Variants in SIDT1 observed in about 807,000 individuals in gnomAD.
SIDT1 encodes the protein SID1 transmembrane family member 1.
A neutral mutation model predicts 107.5 loss-of-function variants in SIDT1; 101 were observed. The observed-to-expected ratio is 0.94, with a 90% CI of 0.80 to 1.11. The LOEUF (loss-of-function observed/expected upper bound fraction) is 1.11. Ranked by LOEUF, SIDT1 falls within the 50% of genes least tolerant of loss-of-function variation. SIDT1 has a pLI of 0.00. For synonymous variants in SIDT1, 395 were observed against 398.2 expected (o/e 0.99, Z 0.10); for missense variants, 1,076 against 1,058.2 (o/e 1.02, Z -0.23).
chr3:113,615,193 G>A lies in SIDT1; in HGVS notation c.1967-907G>A, dbSNP rs776393510. On this transcript the variant is annotated intron_variant, in intron 19 of 24. Coordinates refer to ENST00000264852, the MANE Select transcript of SIDT1 (RefSeq NM_017699.3). ...GCCTCTTTCAGGCCGGGCAGACTCC[G>A]TGGGAGTGGGGAGCCAGAGAGAGGC... The A allele has an allele frequency of 1.1e-5, 12 of 1,090,540 alleles. No homozygotes were observed. In the East Asian group the frequency reaches 2.1e-4, roughly 19 times the overall value. 67.6% of individuals were successfully genotyped at this position (1,090,540 alleles called of 1,614,324 possible).
intron 3 of SIDT1, among the ~76,000 whole-genome samples, chr3:113,574,344 A>G (rs567047575): frequency 6.6e-6 from 1 of 152,332 alleles, no homozygotes; most frequent in Admixed American, 6.5e-5. Context: ...AGCAGATGGC[A>G]GAAGGAGATA....
chr3:113,582,739 A>AAAAC (rs753584500), intron 6 of SIDT1, among the ~76,000 whole-genome samples: 9 of 152,308 alleles, frequency 5.9e-5, no homozygotes, highest in African/African-American at 1.4e-4. Flanking sequence ...TCCTTCTCAA[A>AAAAC]AAACAAACAA....
intron 3 of SIDT1, among the ~76,000 whole-genome samples, chr3:113,576,010 G>C (rs370831500): frequency 3.3e-5 from 5 of 152,200 alleles, no homozygotes; most frequent in African/African-American, 4.8e-5. Flanking sequence ...CATGGCTAAT[G>C]ATGAGGCAAC....
At chr3:113,565,869 C>G (rs1426916854) in intron 1 of SIDT1, among the ~76,000 whole-genome samples, 1 of 151,948 alleles carries the variant, frequency 6.6e-6, no homozygotes, top group Non-Finnish European at 1.5e-5. Flanking sequence ...ATTTACCAAC[C>G]CAAAATTGAA....
chr3:113,534,442 G>A lies in SIDT1; in HGVS notation c.222+1199G>A, dbSNP rs181607388. On this transcript the variant is annotated intron_variant, in intron 1 of 24. Coordinates refer to ENST00000264852, the MANE Select transcript of SIDT1 (RefSeq NM_017699.3). ...ATCCTATGGCACTGTTACCATGGCA[G>A]CACAGCCCTCACCCTGCTCTGTCCT... Among the ~76,000 whole-genome samples, 17 of 152,314 alleles carry A rather than the reference G, an allele frequency of 1.1e-4. No homozygotes were observed. The East Asian group carries it at 3.3e-3, about 29-fold the overall frequency.
At chr3:113,571,945 A>AC (rs982643092) in intron 3 of SIDT1, among the ~76,000 whole-genome samples, 231 of 152,086 alleles carry the variant, frequency 1.5e-3, no homozygotes, top group Middle Eastern at 0.01. Flanking sequence ...ACACACACAC[A>AC]AAAAAAATTA....
At position 113,544,999 on chromosome 3, in the gene SIDT1, C is replaced by A. The variant is rs897852693; in HGVS notation, c.222+11756C>A. On this transcript the variant is annotated intron_variant, in intron 1 of 24. Transcript: ENST00000264852. Reference sequence around the variant, plus strand: ...GCGTGGTGGCGTGCACCTGTAATCCCAGCTACTCAGGAGGCTGAGGCAGGA... The same window carrying A: ...GCGTGGTGGCGTGCACCTGTAATCCAAGCTACTCAGGAGGCTGAGGCAGGA... Among the ~76,000 whole-genome samples, 5 of 151,664 alleles carry A rather than the reference C, an allele frequency of 3.3e-5. No individual in the cohort carries two copies. In the South Asian group the frequency reaches 8.3e-4, roughly 25 times the overall value.
At chr3:113,625,964 G>A (rs1367086099) in intron 23 of SIDT1, 138 bp from the exon 24 acceptor site, 22 of 683,566 alleles carry the variant, frequency 3.2e-5, no homozygotes, top group Non-Finnish European at 2.6e-6. Flanking sequence ...ACAGGTTTTT[G>A]TGTGGATGGA....
chr3:113,580,472 T>G (rs1943240014), intron 4 of SIDT1, 136 bp from the exon 5 acceptor site: 2 of 629,692 alleles, frequency 3.2e-6, no homozygotes, highest in Non-Finnish European at 2.9e-6. Context: ...TTTCTCAATA[T>G]GTATGAGATG....
intron 21 of SIDT1, among the ~76,000 whole-genome samples, chr3:113,622,840 AC>A (rs1256286270): frequency 3.9e-5 from 6 of 152,320 alleles, no homozygotes; most frequent in African/African-American, 1.4e-4. Flanking sequence ...AGTTATGGGA[AC>A]TTTACATGGT....
chr3:113,548,753 C>T (rs1441967273), intron 1 of SIDT1, among the ~76,000 whole-genome samples: 3 of 152,098 alleles, frequency 2.0e-5, no homozygotes, highest in Admixed American at 6.6e-5. Flanking sequence ...CTTCTCCCTG[C>T]CATTAACTAC....
intron 1 of SIDT1, among the ~76,000 whole-genome samples, chr3:113,552,076 C>A (rs1940312901): frequency 6.6e-6 from 1 of 152,148 alleles, no homozygotes; most frequent in Non-Finnish European, 1.5e-5. Flanking sequence ...CTTTTGTGAA[C>A]AACGTGACTC....
At chr3:113,610,129 C>T (rs1420335878) in intron 17 of SIDT1, among the ~76,000 whole-genome samples, 2 of 152,166 alleles carry the variant, frequency 1.3e-5, no homozygotes, top group African/African-American at 4.8e-5. Flanking sequence ...CAAAAAGTAT[C>T]ACATTTATCA....
chr3:113,542,638 A>T (rs1012851019), intron 1 of SIDT1, among the ~76,000 whole-genome samples: 1 of 152,120 alleles, frequency 6.6e-6, no homozygotes, highest in Non-Finnish European at 1.5e-5. Flanking sequence ...AAGTGTTTAC[A>T]TTAGATTAGT....
In SIDT1 at chr3:113,612,149, C is replaced by T. The variant is rs1175754221; in HGVS notation, c.1921C>T (p.Leu641=). The T allele has an allele frequency of 6.2e-7, 1 of 1,614,026 alleles. No homozygotes were observed. Among genetic ancestry groups the T allele is most frequent in the African/African-American group, 1.3e-5 (1 of 74,918 alleles). ...CTCTGCAATCCACGTTCTGGCCTCG[C>T]TAGCCCTCAGCACCCAGATATATTA... ...IFSAIHVLAS[L]ALSTQIYYMG... The change falls in exon 19 of 25, where the codon CTA becomes TTA. Residue 641 remains leucine, a synonymous_variant. Coordinates refer to ENST00000264852, the MANE Select transcript of SIDT1 (RefSeq NM_017699.3).
the SIDT1 span, among the ~76,000 whole-genome samples, chr3:113,635,117 TTAC>T: frequency 6.6e-6 from 1 of 152,250 alleles, no homozygotes; most frequent in Non-Finnish European, 1.5e-5. Flanking sequence ...AAGCATCAGG[TTAC>T]TACTGGGAGC....
chr3:113,584,842 G>A (rs958249481), intron 8 of SIDT1, 73 bp downstream of exon 8: 2 of 1,048,856 alleles, frequency 1.9e-6, no homozygotes, highest in Admixed American at 2.5e-5. Context: ...TGATATTACT[G>A]TCATCCTTCC....
In SIDT1 at chr3:113,532,885, C is replaced by T; in HGVS notation, c.-137C>T. On this transcript the variant is annotated 5_prime_UTR_variant, in exon 1 of 25. Transcript: ENST00000264852. The stretch of plus-strand genomic sequence containing the variant: ...TCGTCAGCACGCTGCCAGCCCTGGC[C>T]GGCTGGGTTCGCCAGGCATCACCCG... 1 of 521,096 alleles carries T rather than the reference C, an allele frequency of 1.9e-6. No individual in the cohort carries two copies. Among genetic ancestry groups the T allele is most frequent in the Non-Finnish European group, 3.1e-6 (1 of 327,452 alleles). The allele number at this position is 521,096 out of a possible 1,614,324, so 32.3% of individuals were successfully genotyped here. A position where few individuals can be genotyped will look rare whatever the true frequency, so the allele number is the denominator to read the frequency against.
intron 9 of SIDT1, chr3:113,592,689 G>C: frequency 3.3e-6 from 1 of 300,524 alleles, no homozygotes; most frequent in Non-Finnish European, 6.5e-6. Context: ...CTGGGTTCAA[G>C]CAATTCTCCT....
Sources: allele counts gnomAD v4.1 joint callset (sites outside exome capture counted in the v4.1 genomes callset), GRCh38; gene constraint gnomAD v4.1.1; transcripts MANE v1.5; gene names NCBI Gene and HGNC (gene_info 2026-07-23, HGNC 2026-07-21).